The following BTG3 variants were observed in gnomAD, a reference collection of about 807,000 sequenced individuals.
BTG3 encodes protein BTG3.
Under a neutral mutation model 25.8 loss-of-function variants are expected in BTG3, and 4 were observed. The ratio of observed to expected loss-of-function variants is 0.16; its 90% CI spans 0.08 to 0.36. BTG3 has a LOEUF of 0.36. Among genes scored for constraint, BTG3 ranks in the 10% least tolerant of loss-of-function variants. The pLI is 1.00. For missense variants in BTG3, 201 were observed against 304.9 expected (o/e 0.66, Z 2.54); for synonymous variants, 107 against 99.9 (o/e 1.07, Z -0.42).
intron 1 of BTG3, among the ~76,000 whole-genome samples, chr21:17,610,997 C>T (rs2061713808): frequency 6.6e-6 from 1 of 152,108 alleles, no homozygotes; most frequent in Non-Finnish European, 1.5e-5. Context: ...ACAAATCTTC[C>T]TCCCAGAACC....
At chr21:17,594,445 G>T in intron 4 of BTG3, 113 bp from the exon 5 acceptor site, 1 of 1,258,368 alleles carries the variant, frequency 7.9e-7, no homozygotes, top group Non-Finnish European at 1.1e-6. Context: ...TCACATCTAA[G>T]TGACACTCCT....
At chr21:17,595,848 G>A (rs1043824444) in intron 4 of BTG3, among the ~76,000 whole-genome samples, 2 of 151,942 alleles carry the variant, frequency 1.3e-5, no homozygotes, top group Non-Finnish European at 2.9e-5. Context: ...CACATTTAAC[G>A]TTAAAAAGTT....
intron 4 of BTG3, among the ~76,000 whole-genome samples, chr21:17,595,692 A>T (rs1284362721): frequency 6.6e-6 from 1 of 151,862 alleles, no homozygotes; most frequent in Non-Finnish European, 1.5e-5. Context: ...TACTATTAAA[A>T]AAACAATGAT....
intron 3 of BTG3, among the ~76,000 whole-genome samples, chr21:17,602,299 T>C (rs1489566956): frequency 6.6e-6 from 1 of 152,250 alleles, no homozygotes; most frequent in Admixed American, 6.5e-5. Flanking sequence ...CTTTGTACTC[T>C]TGCAGCATTT....
intron 1 of BTG3, among the ~76,000 whole-genome samples, chr21:17,610,439 G>C (rs971405527): frequency 6.6e-6 from 1 of 152,198 alleles, no homozygotes; most frequent in African/African-American, 2.4e-5. Context: ...ACAAAAACTA[G>C]TGGATCTATC....
chr21:17,594,424 C>A, intron 4 of BTG3, 92 bp from the exon 5 acceptor site: 2 of 1,423,058 alleles, frequency 1.4e-6, no homozygotes, highest in South Asian at 1.4e-5. Context: ...AAGTTACCCA[C>A]AACACTGAGA....
At chr21:17,600,360 GA>G (rs1398490867) in intron 3 of BTG3, among the ~76,000 whole-genome samples, 1 of 152,064 alleles carries the variant, frequency 6.6e-6, no homozygotes, top group Non-Finnish European at 1.5e-5. Context: ...TTCTAAGTTT[GA>G]AAAAAGATAA....
Position 17,593,754 on chromosome 21 carries a change from C to T in BTG3, c.*339G>A, listed in dbSNP as rs997810853. The T allele has an allele frequency of 2.0e-5, 4 of 200,090 alleles. No homozygotes were observed. The highest frequency in any genetic ancestry group is 1.6e-4 in the South Asian group (1 of 6,414). The allele number at this position is 200,090 out of a possible 1,614,324, so 12.4% of individuals were successfully genotyped here. On this transcript the variant is annotated 3_prime_UTR_variant, in exon 5 of 5. Transcript: ENST00000348354. ...TCCTTGTATATAAATAACTTACATA[C>T]GCTCCATAAAGTAAATTCTCAAAGG...
chr21:17,608,696 C>CA, intron 2 of BTG3: 1 of 333,048 alleles, frequency 3.0e-6, no homozygotes, highest in Non-Finnish European at 5.4e-6. Flanking sequence ...TTGTGATAAA[C>CA]AGAAATGCAC....
chr21:17,605,149 A>G (rs2061622594), intron 2 of BTG3, 152 bp from the exon 3 acceptor site: 1 of 878,564 alleles, frequency 1.1e-6, no homozygotes. Flanking sequence ...TAAACAGATA[A>G]TAAATGTGAA....
At chr21:17,608,842 A>T in intron 2 of BTG3, 130 bp downstream of exon 2, 4 of 896,918 alleles carry the variant, frequency 4.5e-6, no homozygotes, top group Non-Finnish European at 4.8e-6. Context: ...GAAAATATAC[A>T]AACACCCCAG....
intron 3 of BTG3, among the ~76,000 whole-genome samples, chr21:17,601,520 T>C (rs533156595): frequency 6.6e-6 from 1 of 152,150 alleles, no homozygotes; most frequent in Non-Finnish European, 1.5e-5. Context: ...CAAGACCCTC[T>C]CTCTAAAACA....
At chr21:17,605,508 G>A (rs1424729617) in intron 2 of BTG3, among the ~76,000 whole-genome samples, 1 of 152,116 alleles carries the variant, frequency 6.6e-6, no homozygotes, top group Non-Finnish European at 1.5e-5. Context: ...TATAAATACA[G>A]GATAAGTGAA....
At chr21:17,605,726 A>C (rs546200661) in intron 2 of BTG3, among the ~76,000 whole-genome samples, 1 of 152,318 alleles carries the variant, frequency 6.6e-6, no homozygotes, top group East Asian at 1.9e-4. Flanking sequence ...ATGTTTAATA[A>C]ATAAAAAATA....
chr21:17,604,800 A>T, intron 3 of BTG3, 60 bp downstream of exon 3: 1 of 1,564,792 alleles, frequency 6.4e-7, no homozygotes, highest in Non-Finnish European at 8.7e-7. Context: ...TACATGACAG[A>T]ATGTCATAAA....
At chr21:17,604,404 C>G (rs1444269615) in intron 3 of BTG3, 1 of 187,690 alleles carries the variant, frequency 5.3e-6, no homozygotes, top group East Asian at 1.7e-4. Flanking sequence ...AAGAATGCAC[C>G]ATTGCGCTCC....
rs2824399 is a variant in BTG3, at chr21:17,609,397, G to A, written c.-8-245C>T. ...TGAAGAAATTCCATAAAGATAGCACGTTGCTCCTGTTGGCTAAAATAAAAC... is the reference window on the plus strand; with the variant it reads ...TGAAGAAATTCCATAAAGATAGCACATTGCTCCTGTTGGCTAAAATAAAAC... On this transcript the variant is annotated intron_variant, in intron 1 of 4. Coordinates refer to ENST00000348354, the MANE Select transcript of BTG3 (RefSeq NM_006806.5). Among the ~76,000 whole-genome samples the A allele has an allele frequency of 6.4e-3, 969 of 152,232 alleles. 59 individuals carry two copies. The East Asian group carries it at 0.13, about 21-fold the overall frequency.
intron 1 of BTG3, chr21:17,611,744 A>G (rs2061727717): frequency 1.3e-5 from 2 of 152,232 alleles, no homozygotes; most frequent in Admixed American, 1.3e-4. Flanking sequence ...CTCAAGTTCT[A>G]CTTTGTTCCA....
intron 4 of BTG3, among the ~76,000 whole-genome samples, chr21:17,595,024 A>C (rs71319645): frequency 6.6e-6 from 1 of 151,844 alleles, no homozygotes; most frequent in Non-Finnish European, 1.5e-5. Context: ...AAAGATAAAC[A>C]CAAAACATTC....
Sources: allele counts gnomAD v4.1 joint callset (sites outside exome capture counted in the v4.1 genomes callset), GRCh38; gene constraint gnomAD v4.1.1; transcripts MANE v1.5; gene names NCBI Gene and HGNC (gene_info 2026-07-23, HGNC 2026-07-21).